The following PDLIM1 variants were observed in gnomAD, a reference collection of about 807,000 sequenced individuals.
The protein encoded by PDLIM1 is PDZ and LIM domain 1, also known as PDZ and LIM domain protein 1.
Under a neutral mutation model 35.2 loss-of-function variants are expected in PDLIM1, and 25 were observed. The ratio of observed to expected loss-of-function variants is 0.71; its 90% CI spans 0.52 to 0.99. PDLIM1 has a LOEUF of 0.99. Among genes scored for constraint, PDLIM1 ranks in the 50% least tolerant of loss-of-function variants. PDLIM1 has a pLI of 0.00. For missense variants in PDLIM1, 363 were observed against 415.3 expected (o/e 0.87, Z 1.09); for synonymous variants, 152 against 154.0 (o/e 0.99, Z 0.10).
chr10:95,242,292 A>G (rs539521360), intron 5 of PDLIM1, among the ~76,000 whole-genome samples: 1 of 151,964 alleles, frequency 6.6e-6, no homozygotes, highest in African/African-American at 2.4e-5. Context: ...CAAAGTTCCA[A>G]CTTTGTTCAC....
chr10:95,264,162 C>CTT, intron 3 of PDLIM1, 99 bp from the exon 4 acceptor site: 1 of 969,768 alleles, frequency 1.0e-6, no homozygotes, highest in Non-Finnish European at 1.6e-6. Context: ...GTTCCAGCTG[C>CTT]TAAGATGGCC....
intron 1 of PDLIM1, among the ~76,000 whole-genome samples, chr10:95,289,469 C>T (rs1432677702): frequency 6.6e-6 from 1 of 152,142 alleles, no homozygotes; most frequent in African/African-American, 2.4e-5. Flanking sequence ...GGCCCAAAAA[C>T]TGGCCCGCCT....
At chr10:95,262,333 G>A (rs781445058) in intron 4 of PDLIM1, among the ~76,000 whole-genome samples, 48 of 152,164 alleles carry the variant, frequency 3.2e-4, no homozygotes, top group Non-Finnish European at 5.7e-4. Context: ...GGCAAAGCGG[G>A]CTTCAGAGGC....
intron 4 of PDLIM1, among the ~76,000 whole-genome samples, chr10:95,249,063 C>A (rs570564629): frequency 6.6e-6 from 1 of 152,378 alleles, no homozygotes; most frequent in African/African-American, 2.4e-5. Flanking sequence ...CCCAGGAGGG[C>A]AGGAGCATGG....
chr10:95,264,124 CAGTGCAGGCTG>C, intron 3 of PDLIM1, 61 bp from the exon 4 acceptor site: 2 of 1,438,492 alleles, frequency 1.4e-6, no homozygotes, highest in Non-Finnish European at 1.9e-6. Flanking sequence ...CCTTGATGGG[CAGTGCAGGCTG>C]AGCGCCAGGG....
At chr10:95,287,068 G>C (rs2035608998) in intron 1 of PDLIM1, among the ~76,000 whole-genome samples, 1 of 152,172 alleles carries the variant, frequency 6.6e-6, no homozygotes, top group African/African-American at 2.4e-5. Flanking sequence ...AGACTATCTG[G>C]TCAGAGGGTG....
intron 4 of PDLIM1, among the ~76,000 whole-genome samples, chr10:95,255,709 A>C (rs1241073030): frequency 1.3e-5 from 2 of 152,198 alleles, no homozygotes; most frequent in Non-Finnish European, 2.9e-5. Context: ...CTGTTCCTCT[A>C]AGATCAGCAG....
intron 1 of PDLIM1, among the ~76,000 whole-genome samples, chr10:95,286,410 C>T (rs1441374032): frequency 6.6e-6 from 1 of 151,238 alleles, no homozygotes; most frequent in Non-Finnish European, 1.5e-5. Context: ...TCTGGGTTTG[C>T]TTGCTTATTA....
At chr10:95,286,460 C>A (rs2035602934) in intron 1 of PDLIM1, among the ~76,000 whole-genome samples, 5 of 151,816 alleles carry the variant, frequency 3.3e-5, no homozygotes, top group Admixed American at 3.3e-4. Context: ...TTTATTTTAT[C>A]TTTACAGGGA....
chr10:95,279,357 TAA>T (rs1324560261), intron 1 of PDLIM1, among the ~76,000 whole-genome samples: 2 of 152,248 alleles, frequency 1.3e-5, no homozygotes, highest in African/African-American at 4.8e-5. Flanking sequence ...TTATGGTATA[TAA>T]GTTTCTAGCC....
Position 95,274,123 on chromosome 10 carries a change from A to T in PDLIM1, c.97-2339T>A, listed in dbSNP as rs868580914. 2.6e-5 allele frequency among the ~76,000 whole-genome samples: 4 copies of T among 152,060 alleles called. No individual in the cohort carries two copies. The East Asian group carries it at 7.7e-4, about 29-fold the overall frequency. On this transcript the variant is annotated intron_variant, in intron 1 of 6. Transcript: ENST00000329399. ...AAAGCCAGTGCCTCCCTCCCCACCCACATCATGCCTCTTCCCCACTGGGCT... is the reference window on the plus strand; with the variant it reads ...AAAGCCAGTGCCTCCCTCCCCACCCTCATCATGCCTCTTCCCCACTGGGCT...
intron 1 of PDLIM1, among the ~76,000 whole-genome samples, chr10:95,281,083 C>T (rs1276937642): frequency 6.6e-6 from 1 of 152,164 alleles, no homozygotes; most frequent in Non-Finnish European, 1.5e-5. Context: ...ATGACTATGA[C>T]TATCTTTTCC....
intron 1 of PDLIM1, among the ~76,000 whole-genome samples, chr10:95,278,519 A>C (rs913423871): frequency 6.6e-6 from 1 of 152,160 alleles, no homozygotes; most frequent in Non-Finnish European, 1.5e-5. Flanking sequence ...TAGGGGCCTA[A>C]AGGTGGAATC....
chr10:95,290,873 C>T lies in PDLIM1; in HGVS notation c.43G>A (p.Gly15Ser). Residue 15 changes from glycine to serine, a missense_variant, in exon 1 of 7, where the codon GGC becomes AGC. Coordinates refer to ENST00000329399, the MANE Select transcript of PDLIM1 (RefSeq NM_020992.4). The surrounding 1 kb of genome is among the most constrained non-coding windows in gnomAD (Gnocchi z 4.7). ...TCCTTGCCGCCCACGAGGCGGAAGC[C>T]CCACGGCCCCGGGCCCTGGAGGTCT... ...QIDLQGPGPW[G>S]FRLVGGKDFE... The T allele has an allele frequency of 6.4e-7, 1 of 1,565,184 alleles. No homozygotes were observed. The highest frequency in any genetic ancestry group is 8.7e-7 in the Non-Finnish European group (1 of 1,155,566).
chr10:95,243,398 T>C (rs1306776567), intron 5 of PDLIM1, among the ~76,000 whole-genome samples: 3 of 152,210 alleles, frequency 2.0e-5, no homozygotes, highest in African/African-American at 7.2e-5. Flanking sequence ...CAAATATTTC[T>C]GGAAAAAAAG....
intron 2 of PDLIM1, among the ~76,000 whole-genome samples, chr10:95,269,341 G>A (rs45532941): frequency 4.4e-4 from 67 of 152,322 alleles, no homozygotes; most frequent in African/African-American, 1.5e-3. Context: ...GGAGGCTGAG[G>A]TGGGGAAATC....
In PDLIM1 at chr10:95,284,552, C is replaced by T. The variant is rs1326398714; in HGVS notation, c.96+6268G>A. Among the ~76,000 whole-genome samples the T allele has an allele frequency of 2.0e-5, 3 of 152,140 alleles. No individual in the cohort carries two copies. The East Asian group carries it at 5.8e-4, about 29-fold the overall frequency. ...AATTTTTAGTAGAGACAGGGTTTCA[C>T]CATGTTGGCCAGGCTGGCCTCAAAC... On this transcript the variant is annotated intron_variant, in intron 1 of 6. Transcript: ENST00000329399.
intron 5 of PDLIM1, among the ~76,000 whole-genome samples, chr10:95,239,235 C>G (rs1461471499): frequency 6.6e-6 from 1 of 152,146 alleles, no homozygotes; most frequent in East Asian, 1.9e-4. Flanking sequence ...AAGCCCAAAA[C>G]TATAAAAACA....
At chr10:95,276,256 T>G (rs909056890) in intron 1 of PDLIM1, among the ~76,000 whole-genome samples, 1 of 151,994 alleles carries the variant, frequency 6.6e-6, no homozygotes, top group Non-Finnish European at 1.5e-5. Context: ...CTTTTTGCTT[T>G]AGCACAATGC....
Sources: allele counts gnomAD v4.1 joint callset (sites outside exome capture counted in the v4.1 genomes callset), GRCh38; gene constraint gnomAD v4.1.1; non-coding constraint Gnocchi (gnomAD v3.1); transcripts MANE v1.5; gene names NCBI Gene and HGNC (gene_info 2026-07-23, HGNC 2026-07-21).